LRRTM4: variants seen among roughly 807,000 people sequenced by gnomAD.
The protein encoded by LRRTM4 is leucine-rich repeat transmembrane neuronal protein 4.
A neutral mutation model predicts 47.6 loss-of-function variants in LRRTM4; 25 were observed. That is an observed-to-expected ratio of 0.53 (90% CI 0.38 to 0.73). LRRTM4 has a LOEUF of 0.73. LRRTM4 is among the 30% of genes least tolerant of loss of function. The pLI is 0.00. For missense variants in LRRTM4, 638 were observed against 713.4 expected, an observed-to-expected ratio of 0.89 and a Z score of 1.20; for synonymous variants, 311 against 269.5, an observed-to-expected ratio of 1.15 and a Z score of -1.51.
intron 3 of LRRTM4, among the ~76,000 whole-genome samples, chr2:76,863,661 T>G (rs1195384508): frequency 6.6e-6 from 1 of 152,138 alleles, no homozygotes; most frequent in Non-Finnish European, 1.5e-5. Flanking sequence ...TAAAGCTAAG[T>G]GCGGAGTTTT....
intron 3 of LRRTM4, among the ~76,000 whole-genome samples, chr2:77,053,885 G>C (rs1015422488): frequency 1.3e-5 from 2 of 152,110 alleles, no homozygotes; most frequent in Non-Finnish European, 2.9e-5. Context: ...CAAATGAACT[G>C]ACTAGAGAAT....
chr2:76,851,597 GACTA>G lies in LRRTM4; in HGVS notation c.1552-102685_1552-102682del, dbSNP rs1211654595. 1.1e-4 allele frequency among the ~76,000 whole-genome samples: 16 copies of G among 152,140 alleles called. No homozygotes were observed. In the South Asian group the frequency reaches 1.2e-3, roughly 12 times the overall value. On this transcript the variant is annotated intron_variant, in intron 3 of 3. Transcript: ENST00000409884. ...CTATTCCTCTAGAAGCCATCTGCTAGACTAACTGTTGCTTTAGATAATTGCTTGA... is the reference window on the plus strand; with the variant it reads ...CTATTCCTCTAGAAGCCATCTGCTAGACTGTTGCTTTAGATAATTGCTTGA...
intron 3 of LRRTM4, among the ~76,000 whole-genome samples, chr2:76,809,102 G>A (rs1337024631): frequency 2.0e-5 from 3 of 151,670 alleles, no homozygotes; most frequent in Non-Finnish European, 4.4e-5. Context: ...CATGTTTATA[G>A]TATAAAAAAA....
intron 3 of LRRTM4, among the ~76,000 whole-genome samples, chr2:77,029,083 T>A (rs536829068): frequency 0.046 from 6,636 of 145,498 alleles, 538 homozygotes; most frequent in African/African-American, 0.16. Flanking sequence ...TATATATATA[T>A]TATATATATA....
chr2:77,123,218 A>AGAGC (rs1671564637), intron 3 of LRRTM4, among the ~76,000 whole-genome samples: 1 of 150,724 alleles, frequency 6.6e-6, no homozygotes, highest in Admixed American at 6.7e-5. Flanking sequence ...TCTCACAGAG[A>AGAGC]GAGAGAGAGA....
chr2:76,940,600 C>T (rs1040482005), intron 3 of LRRTM4, among the ~76,000 whole-genome samples: 1 of 152,096 alleles, frequency 6.6e-6, no homozygotes, highest in Admixed American at 6.5e-5. Context: ...ACGAGTTTAC[C>T]TATAGAACAA....
chr2:77,064,360 T>C (rs966237366), intron 3 of LRRTM4, among the ~76,000 whole-genome samples: 14 of 152,156 alleles, frequency 9.2e-5, no homozygotes, highest in Admixed American at 7.9e-4. Flanking sequence ...GGTATATATA[T>C]AGTAGAGATA....
At chr2:77,221,552 A>C (rs1264093505) in intron 3 of LRRTM4, among the ~76,000 whole-genome samples, 1 of 152,158 alleles carries the variant, frequency 6.6e-6, no homozygotes, top group African/African-American at 2.4e-5. Context: ...CAGGGGTTGC[A>C]ATCCTACTCT....
chr2:77,302,497 T>C (rs534457514), intron 3 of LRRTM4, among the ~76,000 whole-genome samples: 4 of 152,302 alleles, frequency 2.6e-5, no homozygotes, highest in African/African-American at 9.6e-5. Context: ...ATGAAAAATA[T>C]CACAGGGTTG....
intron 3 of LRRTM4, among the ~76,000 whole-genome samples, chr2:76,887,884 C>G (rs980069274): frequency 2.0e-5 from 3 of 150,746 alleles, no homozygotes; most frequent in African/African-American, 4.9e-5. Context: ...AAAGATAATG[C>G]CTAAATTATC....
At chr2:77,505,346 G>T (rs1678726811) in intron 3 of LRRTM4, among the ~76,000 whole-genome samples, 1 of 151,264 alleles carries the variant, frequency 6.6e-6, no homozygotes, top group African/African-American at 2.4e-5. Context: ...TTATAAATGA[G>T]ACTATATGAT....
At chr2:76,891,658 T>C (rs1673259282) in intron 3 of LRRTM4, among the ~76,000 whole-genome samples, 2 of 151,818 alleles carry the variant, frequency 1.3e-5, no homozygotes, top group Admixed American at 1.3e-4. Context: ...ATTAGACGAT[T>C]AGACTTTCAT....
intron 3 of LRRTM4, among the ~76,000 whole-genome samples, chr2:77,501,681 C>G (rs1389121742): frequency 6.6e-6 from 1 of 150,630 alleles, no homozygotes; most frequent in Non-Finnish European, 1.5e-5. Flanking sequence ...CAAATCCTAC[C>G]TAAAATAATT....
intron 3 of LRRTM4, among the ~76,000 whole-genome samples, chr2:76,795,138 G>A (rs1470882307): frequency 6.6e-6 from 1 of 151,866 alleles, no homozygotes; most frequent in African/African-American, 2.4e-5. Flanking sequence ...TAATATTAAA[G>A]TGGACAAAAT....
At chr2:77,136,138 C>T (rs1035629362) in intron 3 of LRRTM4, among the ~76,000 whole-genome samples, 1 of 152,046 alleles carries the variant, frequency 6.6e-6, no homozygotes, top group Non-Finnish European at 1.5e-5. Context: ...AGTGGTTCTC[C>T]CAGCATGGAG....
At chr2:76,805,491 GAGTT>G (rs1290295117) in intron 3 of LRRTM4, among the ~76,000 whole-genome samples, 1 of 152,144 alleles carries the variant, frequency 6.6e-6, no homozygotes, top group Admixed American at 6.5e-5. Flanking sequence ...TAGTGACAAA[GAGTT>G]AGTACAATCA....
intron 3 of LRRTM4, among the ~76,000 whole-genome samples, chr2:77,018,865 T>G (rs2104095809): frequency 6.6e-6 from 1 of 152,274 alleles, no homozygotes; most frequent in East Asian, 1.9e-4. Context: ...TAATGAACTT[T>G]AAGGTACAGG....
chr2:77,104,049 C>A (rs1464863381), intron 3 of LRRTM4, among the ~76,000 whole-genome samples: 1 of 152,204 alleles, frequency 6.6e-6, no homozygotes, highest in African/African-American at 2.4e-5. Context: ...AAGAAAAATT[C>A]TTTATTTCTA....
At chr2:77,242,103 G>C (rs1014707561) in intron 3 of LRRTM4, among the ~76,000 whole-genome samples, 3 of 152,046 alleles carry the variant, frequency 2.0e-5, no homozygotes, top group African/African-American at 7.2e-5. Flanking sequence ...TCCTTTTAAA[G>C]ATTATTTGGT....
Sources: allele counts gnomAD v4.1 joint callset (sites outside exome capture counted in the v4.1 genomes callset), GRCh38; gene constraint gnomAD v4.1.1; transcripts MANE v1.5; gene names NCBI Gene and HGNC (gene_info 2026-07-23, HGNC 2026-07-21).